The following FAM107B variants were observed in gnomAD, a reference collection of about 807,000 sequenced individuals.
FAM107B encodes the protein protein FAM107B.
In FAM107B, 21 loss-of-function variants were observed where a neutral mutation model predicts 31.5. That is an observed-to-expected ratio of 0.67 (90% CI 0.47 to 0.96). FAM107B has a LOEUF of 0.96. FAM107B is among the 40% of genes least tolerant of loss of function. The probability of loss-of-function intolerance (pLI) is 0.00; values close to 1 mark genes in which losing one functional copy is unlikely to be tolerated. For synonymous variants in FAM107B, 157 were observed against 141.5 expected, an observed-to-expected ratio of 1.11 and a Z score of -0.78; for missense variants, 452 against 377.1, an observed-to-expected ratio of 1.20 and a Z score of -1.64.
intron 2 of FAM107B, among the ~76,000 whole-genome samples, chr10:14,651,894 T>G (rs574268698): frequency 6.6e-6 from 1 of 152,192 alleles, no homozygotes; most frequent in Admixed American, 6.5e-5. Context: ...ATACCAAGAC[T>G]GGAAAATTAG....
intron 2 of FAM107B, among the ~76,000 whole-genome samples, chr10:14,580,285 AG>A (rs1269201981): frequency 2.0e-5 from 3 of 151,966 alleles, no homozygotes; most frequent in Non-Finnish European, 4.4e-5. Context: ...GCGTGAACCC[AG>A]GAGGTGGAGC....
intron 2 of FAM107B, among the ~76,000 whole-genome samples, chr10:14,583,940 T>C (rs1445677268): frequency 1.3e-5 from 2 of 151,844 alleles, no homozygotes; most frequent in East Asian, 3.9e-4. Context: ...TTCATAGGAG[T>C]GTTTCATGGC....
chr10:14,554,648 G>A lies in FAM107B; in HGVS notation c.470-24133C>T, dbSNP rs116051448. ...AAATAATCTCACAATGGAGTGTAGC[G>A]TTGCATAAACATTGGTTTTGGAAAC... On this transcript the variant is annotated intron_variant, in intron 2 of 4. Coordinates refer to ENST00000181796, the MANE Select transcript of FAM107B (RefSeq NM_031453.4). 8.7e-3 allele frequency among the ~76,000 whole-genome samples: 1,317 copies of A among 152,226 alleles called. 20 individuals carry two copies. The highest frequency in any genetic ancestry group is 0.031 in the African/African-American group (1,274 of 41,530).
At chr10:14,643,601 G>T (rs1184182570) in intron 2 of FAM107B, among the ~76,000 whole-genome samples, 1 of 152,006 alleles carries the variant, frequency 6.6e-6, no homozygotes, top group Non-Finnish European at 1.5e-5. Flanking sequence ...GTAGAGACAG[G>T]GTTTTACCCT....
At position 14,521,107 on chromosome 10, in the gene FAM107B, C is replaced by G; in HGVS notation, c.*83G>C. ...AATTCTCTGCTGGCTGAAATATTCT[C>G]CAGGGGCTTTTGCCCTGAGATTGAG... On this transcript the variant is annotated 3_prime_UTR_variant, in exon 5 of 5. Coordinates refer to ENST00000181796, the MANE Select transcript of FAM107B (RefSeq NM_031453.4). 3 of 1,070,238 alleles carry G rather than the reference C, an allele frequency of 2.8e-6. No individual in the cohort carries two copies. Among genetic ancestry groups the G allele is most frequent in the East Asian group, 5.0e-5 (2 of 40,026 alleles). 66.3% of individuals were successfully genotyped at this position (1,070,238 alleles called of 1,614,324 possible).
intron 1 of FAM107B, among the ~76,000 whole-genome samples, chr10:14,740,564 T>C (rs925578076): frequency 2.0e-5 from 3 of 152,174 alleles, no homozygotes; most frequent in Admixed American, 6.5e-5. Context: ...CATATAACTA[T>C]ACAACACAAA....
At chr10:14,653,103 A>C (rs1421389219) in intron 2 of FAM107B, among the ~76,000 whole-genome samples, 1 of 152,218 alleles carries the variant, frequency 6.6e-6, no homozygotes, top group Non-Finnish European at 1.5e-5. Flanking sequence ...GGCTCCATAA[A>C]TGTTGAATGA....
At chr10:14,626,954 C>A (rs956127990) in intron 2 of FAM107B, among the ~76,000 whole-genome samples, 1 of 152,138 alleles carries the variant, frequency 6.6e-6, no homozygotes, top group African/African-American at 2.4e-5. Flanking sequence ...GGATTTAAAT[C>A]CTCATTTATT....
intron 1 of FAM107B, among the ~76,000 whole-genome samples, chr10:14,761,801 G>A (rs1833053786): frequency 6.6e-6 from 1 of 152,018 alleles, no homozygotes; most frequent in African/African-American, 2.4e-5. Context: ...GTTTCACCAT[G>A]TTGGCCAGGC....
intron 2 of FAM107B, among the ~76,000 whole-genome samples, chr10:14,647,224 G>T (rs1853778820): frequency 6.6e-6 from 1 of 152,156 alleles, no homozygotes; most frequent in African/African-American, 2.4e-5. Flanking sequence ...ATGAAGGAAA[G>T]AAAATATTTT....
chr10:14,559,099 CAAA>C (rs745765049), intron 2 of FAM107B, among the ~76,000 whole-genome samples: 4 of 88,196 alleles, frequency 4.5e-5, no homozygotes, highest in African/African-American at 4.8e-5. Context: ...TGTGGAACTT[CAAA>C]AAAAAAAAAA....
At chr10:14,632,369 T>G (rs1294674015) in intron 2 of FAM107B, among the ~76,000 whole-genome samples, 2 of 146,612 alleles carry the variant, frequency 1.4e-5, no homozygotes, top group African/African-American at 5.1e-5. Context: ...CCCAGCACTT[T>G]GGGAGGCCAA....
intron 1 of FAM107B, among the ~76,000 whole-genome samples, chr10:14,722,841 T>A (rs1050470950): frequency 1.3e-5 from 2 of 152,232 alleles, no homozygotes; most frequent in African/African-American, 4.8e-5. Context: ...CATCTATTTT[T>A]TATTTTATTG....
intron 1 of FAM107B, among the ~76,000 whole-genome samples, chr10:14,736,648 A>G (rs1042289254): frequency 3.3e-5 from 5 of 152,338 alleles, no homozygotes; most frequent in Non-Finnish European, 7.3e-5. Context: ...GATCCATGAA[A>G]AACCTTCACT....
intron 1 of FAM107B, among the ~76,000 whole-genome samples, chr10:14,687,815 A>G (rs1293331557): frequency 6.6e-6 from 1 of 152,212 alleles, no homozygotes; most frequent in East Asian, 1.9e-4. Context: ...GCACACACAT[A>G]CACAAGCATG....
chr10:14,659,036 T>C (rs927469770), intron 2 of FAM107B, among the ~76,000 whole-genome samples: 1 of 152,208 alleles, frequency 6.6e-6, no homozygotes, highest in Non-Finnish European at 1.5e-5. Flanking sequence ...CAGAAGGAGC[T>C]GTGCAGACCA....
chr10:14,717,358 G>A (rs1855803520), intron 1 of FAM107B, among the ~76,000 whole-genome samples: 1 of 152,148 alleles, frequency 6.6e-6, no homozygotes, highest in Non-Finnish European at 1.5e-5. Flanking sequence ...TCACAGGATT[G>A]CAAGGTGAGG....
At chr10:14,587,099 G>A (rs1225986960) in intron 2 of FAM107B, among the ~76,000 whole-genome samples, 1 of 152,124 alleles carries the variant, frequency 6.6e-6, no homozygotes, top group Non-Finnish European at 1.5e-5. Flanking sequence ...TACAGGCACT[G>A]TGCCAGGTGC....
In FAM107B at chr10:14,699,380, G is replaced by A. The variant is rs553862114; in HGVS notation, c.412-31689C>T. On this transcript the variant is annotated intron_variant, in intron 1 of 4. Transcript: ENST00000181796. Reference sequence around the variant, plus strand: ...AAGCTGGAGACCCAGGAAAGCTGGTGGTGTAGTCCCAGAGCAAGTCCCAGG... The same window carrying A: ...AAGCTGGAGACCCAGGAAAGCTGGTAGTGTAGTCCCAGAGCAAGTCCCAGG... Among the ~76,000 whole-genome samples the A allele has an allele frequency of 6.6e-5, 10 of 152,288 alleles. No homozygotes were observed. The East Asian group carries it at 1.7e-3, about 26-fold the overall frequency.
Sources: allele counts gnomAD v4.1 joint callset (sites outside exome capture counted in the v4.1 genomes callset), GRCh38; gene constraint gnomAD v4.1.1; transcripts MANE v1.5; gene names NCBI Gene and HGNC (gene_info 2026-07-23, HGNC 2026-07-21).